Variants in TAFA2 observed in about 807,000 individuals in gnomAD.
The protein encoded by TAFA2 is chemokine-like protein TAFA-2.
A neutral mutation model predicts 18.8 loss-of-function variants in TAFA2; 7 were observed. That is an observed-to-expected ratio of 0.37 (90% CI 0.21 to 0.70). TAFA2 has a LOEUF of 0.70. Among genes scored for constraint, TAFA2 ranks in the 30% least tolerant of loss-of-function variants. The pLI, the probability that TAFA2 is intolerant of heterozygous loss-of-function variation, is 0.53. For missense variants in TAFA2, 122 were observed against 158.1 expected, an observed-to-expected ratio of 0.77 and a Z score of 1.23; for synonymous variants, 60 against 54.2, an observed-to-expected ratio of 1.11 and a Z score of -0.47.
intron 1 of TAFA2, among the ~76,000 whole-genome samples, chr12:62,256,097 T>C (rs773210917): frequency 6.6e-6 from 1 of 151,964 alleles, no homozygotes; most frequent in Non-Finnish European, 1.5e-5. Context: ...GGTGAAACCC[T>C]GTCTCTACTA....
chr12:62,212,833 T>C (rs1357263663), intron 1 of TAFA2, among the ~76,000 whole-genome samples: 1 of 152,170 alleles, frequency 6.6e-6, no homozygotes, highest in African/African-American at 2.4e-5. Flanking sequence ...AATGATTGCA[T>C]TAATGAGAGC....
intron 1 of TAFA2, among the ~76,000 whole-genome samples, chr12:62,079,678 A>T (rs929743243): frequency 2.4e-4 from 37 of 151,088 alleles, no homozygotes; most frequent in East Asian, 7.7e-4. Context: ...AAAAAAAAAA[A>T]TTTTTAACAG....
intron 2 of TAFA2, among the ~76,000 whole-genome samples, chr12:61,802,723 TAG>T (rs1213422761): frequency 6.6e-6 from 1 of 152,024 alleles, no homozygotes; most frequent in African/African-American, 2.4e-5. Flanking sequence ...CATTTTCAAA[TAG>T]CTAGAAGAGA....
At chr12:62,233,045 C>T (rs1269560739) in intron 1 of TAFA2, among the ~76,000 whole-genome samples, 1 of 147,828 alleles carries the variant, frequency 6.8e-6, no homozygotes, top group Non-Finnish European at 1.5e-5. Flanking sequence ...ACTATTTGTC[C>T]TCCCAGCAAT....
intron 4 of TAFA2, among the ~76,000 whole-genome samples, chr12:61,719,259 A>G (rs1869791933): frequency 6.6e-6 from 1 of 152,210 alleles, no homozygotes; most frequent in African/African-American, 2.4e-5. Flanking sequence ...AAAGATCACC[A>G]GGGTAGGAGG....
intron 1 of TAFA2, among the ~76,000 whole-genome samples, chr12:62,051,504 T>C (rs1458305951): frequency 1.3e-5 from 2 of 152,042 alleles, no homozygotes; most frequent in Non-Finnish European, 2.9e-5. Context: ...CCATTTTAAG[T>C]AAGCTTCCAG....
At chr12:61,716,554 T>A (rs1869668014) in intron 4 of TAFA2, among the ~76,000 whole-genome samples, 1 of 152,176 alleles carries the variant, frequency 6.6e-6, no homozygotes, top group South Asian at 2.1e-4. Flanking sequence ...AGCATCAATG[T>A]AAATCTTATA....
At chr12:61,904,041 A>C (rs1008982784) in intron 1 of TAFA2, among the ~76,000 whole-genome samples, 2 of 152,176 alleles carry the variant, frequency 1.3e-5, no homozygotes, top group Admixed American at 1.3e-4. Flanking sequence ...TCTTCTTTTC[A>C]GACACTAAGA....
At chr12:61,973,076 T>C (rs1336815442) in intron 1 of TAFA2, among the ~76,000 whole-genome samples, 1 of 151,714 alleles carries the variant, frequency 6.6e-6, no homozygotes, top group Non-Finnish European at 1.5e-5. Context: ...GTTTTTCCTT[T>C]TCAGACACAT....
intron 1 of TAFA2, among the ~76,000 whole-genome samples, chr12:61,986,663 A>G (rs907228764): frequency 2.6e-5 from 4 of 151,950 alleles, no homozygotes; most frequent in African/African-American, 9.7e-5. Context: ...TTAAAAAAAA[A>G]AAAAAATCAC....
chr12:62,126,905 A>G lies in TAFA2; in HGVS notation c.-2+64354T>C, dbSNP rs189758569. ...TTTCAGTAGAGAAATCTTTTCCCCC[A>G]AGATCCACTAAATAAATACACATAA... On this transcript the variant is annotated intron_variant, in intron 1 of 4. Coordinates refer to ENST00000416284, the MANE Select transcript of TAFA2 (RefSeq NM_178539.5). Among the ~76,000 whole-genome samples, 20 of 152,162 alleles carry G rather than the reference A, an allele frequency of 1.3e-4. No homozygotes were observed. In the East Asian group the frequency reaches 3.5e-3, roughly 27 times the overall value.
intron 2 of TAFA2, among the ~76,000 whole-genome samples, chr12:61,864,173 A>G (rs868326202): frequency 6.6e-6 from 1 of 152,246 alleles, no homozygotes; most frequent in South Asian, 2.1e-4. Flanking sequence ...CATTATAATG[A>G]CAGGCCTTTA....
At chr12:62,083,113 T>C (rs961828474) in intron 1 of TAFA2, among the ~76,000 whole-genome samples, 1 of 152,032 alleles carries the variant, frequency 6.6e-6, no homozygotes, top group Admixed American at 6.6e-5. Flanking sequence ...ACCCAGTAAA[T>C]ATTTGCTGAG....
intron 1 of TAFA2, among the ~76,000 whole-genome samples, chr12:62,046,092 C>T (rs564956990): frequency 1.3e-5 from 2 of 152,152 alleles, no homozygotes; most frequent in East Asian, 3.9e-4. Context: ...CAAAGTAGCC[C>T]ATGGCCATAA....
At chr12:61,735,511 ATTAT>A (rs1236146404) in intron 4 of TAFA2, among the ~76,000 whole-genome samples, 1 of 152,070 alleles carries the variant, frequency 6.6e-6, no homozygotes, top group Non-Finnish European at 1.5e-5. Context: ...CATTCTAAAC[ATTAT>A]TTATTTGCTT....
chr12:61,828,504 T>C (rs1872603907), intron 2 of TAFA2, among the ~76,000 whole-genome samples: 1 of 151,836 alleles, frequency 6.6e-6, no homozygotes, highest in South Asian at 2.1e-4. Context: ...GTGTGGTCTA[T>C]TTGAATTTTA....
At chr12:61,752,921 T>C (rs1869087787) in intron 4 of TAFA2, among the ~76,000 whole-genome samples, 1 of 152,040 alleles carries the variant, frequency 6.6e-6, no homozygotes, top group Non-Finnish European at 1.5e-5. Context: ...CTTCCTTTGC[T>C]AATTCTATAA....
At chr12:61,992,017 G>A (rs775860391) in intron 1 of TAFA2, among the ~76,000 whole-genome samples, 5 of 152,150 alleles carry the variant, frequency 3.3e-5, no homozygotes, top group East Asian at 1.9e-4. Context: ...CCCTCTAAAC[G>A]TTCATATAAC....
chr12:62,134,882 T>C (rs1870835004), intron 1 of TAFA2, among the ~76,000 whole-genome samples: 1 of 151,994 alleles, frequency 6.6e-6, no homozygotes, highest in Non-Finnish European at 1.5e-5. Flanking sequence ...TCCCCCTGCC[T>C]GAAGCCTTCT....
Sources: allele counts gnomAD v4.1 joint callset (sites outside exome capture counted in the v4.1 genomes callset), GRCh38; gene constraint gnomAD v4.1.1; transcripts MANE v1.5; gene names NCBI Gene and HGNC (gene_info 2026-07-23, HGNC 2026-07-21).